The following CDC42BPA variants were observed in gnomAD, a reference collection of about 807,000 sequenced individuals.
CDC42BPA encodes the protein CDC42 binding protein kinase alpha.
CDC42BPA carries 80 observed loss-of-function variants against 223.5 expected under a neutral mutation model. That is an observed-to-expected ratio of 0.36 (90% CI 0.30 to 0.43). The LOEUF is 0.43. Among genes scored for constraint, CDC42BPA ranks in the 20% least tolerant of loss-of-function variants. CDC42BPA has a pLI of 1.00. For missense variants in CDC42BPA, 1,743 were observed against 2,099.9 expected (o/e 0.83, Z 3.32); for synonymous variants, 694 against 718.6 (o/e 0.97, Z 0.55).
intron 21 of CDC42BPA, among the ~76,000 whole-genome samples, chr1:227,054,599 C>T (rs1572513524): frequency 6.6e-6 from 1 of 152,078 alleles, no homozygotes; most frequent in Admixed American, 6.6e-5. Context: ...AGGAAAAATA[C>T]ACTATCAATT....
At chr1:227,305,060 T>C (rs927307715) in intron 1 of CDC42BPA, among the ~76,000 whole-genome samples, 19 of 152,212 alleles carry the variant, frequency 1.2e-4, no homozygotes, top group African/African-American at 3.9e-4. Context: ...AAAGATTAGA[T>C]GACAATATAC....
intron 1 of CDC42BPA, among the ~76,000 whole-genome samples, chr1:227,282,290 A>G (rs570940197): frequency 6.6e-6 from 1 of 152,264 alleles, no homozygotes; most frequent in Admixed American, 6.5e-5. Context: ...AACAGAGATT[A>G]CCTAAAAATT....
chr1:227,291,914 A>G (rs1689765868), intron 1 of CDC42BPA, among the ~76,000 whole-genome samples: 1 of 152,228 alleles, frequency 6.6e-6, no homozygotes, highest in Non-Finnish European at 1.5e-5. Flanking sequence ...ATAAAGTACA[A>G]TGTTCACAAA....
intron 35 of CDC42BPA, 60 bp downstream of exon 35, chr1:227,004,934 G>A (rs768600777): frequency 9.1e-7 from 1 of 1,094,066 alleles, no homozygotes; most frequent in Non-Finnish European, 1.4e-6. Context: ...CGGGACAGGA[G>A]GGGAGGGAGC....
intron 23 of CDC42BPA, among the ~76,000 whole-genome samples, chr1:227,043,659 T>C (rs1160796776): frequency 2.0e-5 from 3 of 152,196 alleles, no homozygotes; most frequent in Non-Finnish European, 4.4e-5. Context: ...TCATCCTTGA[T>C]GATCCAATAC....
At chr1:227,085,199 A>C (rs1681606286) in intron 16 of CDC42BPA, among the ~76,000 whole-genome samples, 1 of 151,746 alleles carries the variant, frequency 6.6e-6, no homozygotes. Context: ...CCCACCCCCC[A>C]CATACACTCA....
rs762042217 is a variant in CDC42BPA at position 226,994,809 on chromosome 1, C to G, written c.5133+14G>C. 6.2e-7 allele frequency: 1 copy of G among 1,602,178 alleles called. No homozygotes were observed. The highest frequency in any genetic ancestry group is 8.5e-7 in the Non-Finnish European group (1 of 1,173,350). The stretch of plus-strand genomic sequence containing the variant: ...TTTCTGATACATGACGTCTCCGGAA[C>G]CCTGCCCACTCACCTCTCCGTCAAA... On this transcript the variant is annotated intron_variant, in intron 36 of 36. Transcript: ENST00000366766. This position sits in a 1 kb window ranked among gnomAD's most constrained non-coding sequence, Gnocchi z 4.0.
At chr1:227,009,291 T>C (rs1432619912) in intron 34 of CDC42BPA, among the ~76,000 whole-genome samples, 1 of 152,220 alleles carries the variant, frequency 6.6e-6, no homozygotes, top group African/African-American at 2.4e-5. Flanking sequence ...AAGCCTCTGG[T>C]CCTTTCAAGG....
chr1:227,009,027 A>G (rs1394941044), intron 34 of CDC42BPA, among the ~76,000 whole-genome samples: 1 of 152,240 alleles, frequency 6.6e-6, no homozygotes, highest in African/African-American at 2.4e-5. Context: ...GTTTCAGGCT[A>G]TACATTTTTT....
chr1:227,039,318 C>T (rs1364588784), intron 24 of CDC42BPA, among the ~76,000 whole-genome samples: 2 of 151,724 alleles, frequency 1.3e-5, no homozygotes, highest in African/African-American at 4.8e-5. Flanking sequence ...GGAGCTTATG[C>T]TAAAAAAAAA....
intron 30 of CDC42BPA, among the ~76,000 whole-genome samples, chr1:227,027,646 A>G (rs891078976): frequency 6.6e-6 from 1 of 152,144 alleles, no homozygotes; most frequent in Non-Finnish European, 1.5e-5. Context: ...TTCTGCTATC[A>G]TAGCACTTAC....
At chr1:227,304,432 C>T (rs1014252282) in intron 1 of CDC42BPA, among the ~76,000 whole-genome samples, 8 of 150,504 alleles carry the variant, frequency 5.3e-5, no homozygotes, top group African/African-American at 1.9e-4. Flanking sequence ...AAGAAAAACA[C>T]AAAAACCACT....
rs1333664280 is a variant in CDC42BPA at position 227,112,690 on chromosome 1, G to A, written c.1871C>T (p.Thr624Ile). 6.2e-7 allele frequency: 1 copy of A among 1,613,950 alleles called. No individual in the cohort carries two copies. The stretch of plus-strand genomic sequence containing the variant: ...ACTAACCTCTTTTTTGGCTCTTTCT[G>A]TTCTGCGCAGTTCTTGCCTTAAGCT... ...VESLRQELRR[T>I]ERAKKELEVH... Residue 624 changes from threonine to isoleucine, a missense_variant, in exon 13 of 37, where the codon ACA becomes ATA. By Grantham distance (89) the Thr-to-Ile change is moderately conservative (BLOSUM62 -1). Coordinates refer to ENST00000366766, the MANE Select transcript of CDC42BPA (RefSeq NM_001394014.1).
At chr1:227,316,576 AAC>A (rs1219819293) in intron 1 of CDC42BPA, among the ~76,000 whole-genome samples, 1 of 152,240 alleles carries the variant, frequency 6.6e-6, no homozygotes, top group Non-Finnish European at 1.5e-5. Flanking sequence ...ACCTAAGGCA[AAC>A]ACAGATATTT....
intron 5 of CDC42BPA, among the ~76,000 whole-genome samples, chr1:227,188,347 TC>T (rs1275361787): frequency 2.6e-5 from 4 of 151,992 alleles, no homozygotes; most frequent in African/African-American, 9.6e-5. Flanking sequence ...TATTGCAAAC[TC>T]TAGGGTAACC....
intron 2 of CDC42BPA, among the ~76,000 whole-genome samples, chr1:227,239,403 A>G (rs1040114776): frequency 6.6e-6 from 1 of 152,194 alleles, no homozygotes; most frequent in African/African-American, 2.4e-5. Flanking sequence ...AGTGAACCCT[A>G]AGGTAAACTA....
At chr1:227,222,045 T>A (rs1675985059) in intron 2 of CDC42BPA, among the ~76,000 whole-genome samples, 2 of 101,234 alleles carry the variant, frequency 2.0e-5, no homozygotes, top group East Asian at 3.1e-4. Context: ...GAAGACCCTA[T>A]CTCTACCAAA....
intron 14 of CDC42BPA, among the ~76,000 whole-genome samples, chr1:227,109,911 C>CAT (rs1349202919): frequency 6.6e-6 from 1 of 151,854 alleles, no homozygotes; most frequent in Non-Finnish European, 1.5e-5. Flanking sequence ...TCTCTACTTA[C>CAT]AATACCTAAT....
intron 16 of CDC42BPA, among the ~76,000 whole-genome samples, chr1:227,089,132 CG>C (rs1203228329): frequency 6.6e-6 from 1 of 152,078 alleles, no homozygotes; most frequent in Non-Finnish European, 1.5e-5. Flanking sequence ...AATTTAAAAA[CG>C]TGAAAATCTG....
Sources: gnomAD v4.1 joint callset for allele counts (sites outside exome capture counted in the v4.1 genomes callset) on GRCh38, gnomAD v4.1.1 for gene constraint, Gnocchi (gnomAD v3.1) non-coding constraint, MANE v1.5 for transcripts, NCBI Gene and HGNC (gene_info 2026-07-23, HGNC 2026-07-21) for gene names.